Variants in PLEKHA1 observed in about 807,000 individuals in gnomAD.
PLEKHA1 encodes pleckstrin homology domain containing A1.
In PLEKHA1, 34 loss-of-function variants were observed where a neutral mutation model predicts 52.0. The ratio of observed to expected loss-of-function variants is 0.65; its 90% CI spans 0.50 to 0.87. The LOEUF (loss-of-function observed/expected upper bound fraction) is 0.87. Ranked by LOEUF, PLEKHA1 falls within the 40% of genes least tolerant of loss-of-function variation. PLEKHA1 has a pLI of 0.00. For missense variants in PLEKHA1, 497 were observed against 504.2 expected (o/e 0.99, Z 0.14); for synonymous variants, 163 against 170.7 (o/e 0.95, Z 0.35).
Position 122,429,894 on chromosome 10 carries a change from C to T in PLEKHA1, c.1171C>T (p.Leu391=), listed in dbSNP as rs554307459. 1 of 1,614,084 alleles carries T rather than the reference C, an allele frequency of 6.2e-7. No individual in the cohort carries two copies. Among genetic ancestry groups the T allele is most frequent in the East Asian group, 2.2e-5 (1 of 44,882 alleles). ...KNGPQEKDCD[L]VDLDDASLPV... is the part of the protein sequence containing the mutation. ...TGGCCCTCAGGAAAAAGATTGTGACCTAGTAGACTTGGACGATGCGAGCCT... is the reference window on the plus strand; with the variant it reads ...TGGCCCTCAGGAAAAAGATTGTGACTTAGTAGACTTGGACGATGCGAGCCT... Residue 391 remains leucine, a synonymous_variant, in exon 12 of 12, where the codon CTA becomes TTA. Coordinates refer to ENST00000368990, the MANE Select transcript of PLEKHA1 (RefSeq NM_001001974.4).
intron 1 of PLEKHA1, chr10:122,387,776 C>T (rs541807350): frequency 6.6e-6 from 1 of 152,354 alleles, no homozygotes; most frequent in African/African-American, 2.4e-5. Flanking sequence ...GGCTGGTCAC[C>T]TCTCTCCGCA....
chr10:122,402,773 G>A (rs1477301369), intron 4 of PLEKHA1, among the ~76,000 whole-genome samples: 2 of 152,186 alleles, frequency 1.3e-5, no homozygotes, highest in Non-Finnish European at 2.9e-5. Context: ...TAGAATCAGT[G>A]AGGCTGTATA....
At chr10:122,438,259 AAAAC>A in the PLEKHA1 span, 9 of 152,440 alleles carry the variant, frequency 5.9e-5, no homozygotes, top group East Asian at 1.2e-3. Context: ...ACTGTCTCAA[AAAAC>A]AAACAGAAAA....
At chr10:122,417,653 A>G (rs1565286546) in intron 7 of PLEKHA1, among the ~76,000 whole-genome samples, 1 of 151,828 alleles carries the variant, frequency 6.6e-6, no homozygotes, top group Non-Finnish European at 1.5e-5. Context: ...CTCAAAAAAA[A>G]AAAAAAAAAA....
chr10:122,421,445 T>C (rs2097258567), intron 8 of PLEKHA1: 1 of 152,190 alleles, frequency 6.6e-6, no homozygotes, highest in Non-Finnish European at 1.5e-5. Flanking sequence ...TGAATTCTTT[T>C]GCTCTAATAA....
Position 122,426,927 on chromosome 10 carries a change from T to A in PLEKHA1, c.811-15T>A. The A allele has an allele frequency of 1.2e-6, 2 of 1,604,398 alleles. No homozygotes were observed. The highest frequency in any genetic ancestry group is 1.7e-6 in the Non-Finnish European group (2 of 1,172,296). On this transcript the variant is annotated splice_polypyrimidine_tract_variant and intron_variant, in intron 10 of 11. Transcript: ENST00000368990. Reference sequence around the variant, plus strand: ...TTGAGAAAAAATTGTTTGAATGAGTTCTTTTTTCCTTTAGGCTGATAGCCC... The same window carrying A: ...TTGAGAAAAAATTGTTTGAATGAGTACTTTTTTCCTTTAGGCTGATAGCCC...
chr10:122,374,748 G>C lies in PLEKHA1; in HGVS notation c.-79G>C, dbSNP rs1322032254. 1 of 151,894 alleles carries C rather than the reference G, an allele frequency of 6.6e-6. No individual in the cohort carries two copies. Among genetic ancestry groups the C allele is most frequent in the Non-Finnish European group, 1.5e-5 (1 of 67,980 alleles). The allele number at this position is 151,894 out of a possible 1,614,324, so 9.4% of individuals were successfully genotyped here. On this transcript the variant is annotated 5_prime_UTR_variant, in exon 1 of 12. Coordinates refer to ENST00000368990, the MANE Select transcript of PLEKHA1 (RefSeq NM_001001974.4). ...GCCGTCGCGGACGCCGCTCCGGGCAGCCGAGCCTCTGTGGGAGCCGGGGCC... is the reference window on the plus strand; with the variant it reads ...GCCGTCGCGGACGCCGCTCCGGGCACCCGAGCCTCTGTGGGAGCCGGGGCC...
chr10:122,418,915 C>T lies in PLEKHA1; in HGVS notation c.681+947C>T, dbSNP rs188517623. On this transcript the variant is annotated intron_variant, in intron 8 of 11. Coordinates refer to ENST00000368990, the MANE Select transcript of PLEKHA1 (RefSeq NM_001001974.4). ...ACTTTCTGCACAAATGGAAATGTGC[C>T]GTATCTGTATTGTCCAAGGGCACTA... 4.7e-3 allele frequency: 718 copies of T among 152,234 alleles called. 6 individuals are homozygous for T. The highest frequency in any genetic ancestry group is 0.016 in the African/African-American group (680 of 41,532). The allele number at this position is 152,234 out of a possible 1,614,324, so 9.4% of individuals were successfully genotyped here.
chr10:122,417,645 C>CAAA (rs373627172), intron 7 of PLEKHA1, among the ~76,000 whole-genome samples: 48 of 94,198 alleles, frequency 5.1e-4, no homozygotes, highest in African/African-American at 1.2e-3. Context: ...GACTCTGTCT[C>CAAA]AAAAAAAAAA....
At chr10:122,424,044 C>A in intron 8 of PLEKHA1, 155 bp from the exon 9 acceptor site, 3 of 984,842 alleles carry the variant, frequency 3.0e-6, no homozygotes, top group Non-Finnish European at 4.4e-6. Flanking sequence ...TATTCAGATG[C>A]TGGATGGTTT....
chr10:122,425,805 T>G (rs1009787372), intron 10 of PLEKHA1: 1 of 151,892 alleles, frequency 6.6e-6, no homozygotes, highest in Non-Finnish European at 1.5e-5. Context: ...TTGGAAAATA[T>G]AGAAAGATTT....
chr10:122,391,446 G>C (rs2421020), intron 1 of PLEKHA1, among the ~76,000 whole-genome samples: 47,463 of 151,972 alleles, frequency 0.31, 8,048 homozygotes, highest in Non-Finnish European at 0.4. Flanking sequence ...TTTTATAAAT[G>C]GTGTGAGGTA....
At chr10:122,440,649 T>G in the PLEKHA1 span, 1 of 152,252 alleles carries the variant, frequency 6.6e-6, no homozygotes, top group Non-Finnish European at 1.5e-5. Flanking sequence ...GAATTCACTT[T>G]AAGCTTTGCT....
intron 1 of PLEKHA1, among the ~76,000 whole-genome samples, chr10:122,378,275 A>T (rs916447942): frequency 3.9e-5 from 6 of 152,202 alleles, no homozygotes; most frequent in Non-Finnish European, 8.8e-5. Context: ...TCATCAGGTT[A>T]TTCAGCAGTC....
chr10:122,388,150 C>T (rs536932651), intron 1 of PLEKHA1, among the ~76,000 whole-genome samples: 55 of 152,314 alleles, frequency 3.6e-4, no homozygotes, highest in Admixed American at 2.2e-3. Flanking sequence ...ACCTGTTAAG[C>T]AGCTCTTCTG....
At chr10:122,410,104 G>C (rs1211946970) in intron 5 of PLEKHA1, among the ~76,000 whole-genome samples, 1 of 152,014 alleles carries the variant, frequency 6.6e-6, no homozygotes, top group South Asian at 2.1e-4. Flanking sequence ...TTTCATTCTT[G>C]GTGAATTGAA....
chr10:122,432,113 ATTAT>A lies in PLEKHA1; in HGVS notation c.*2179_*2182del, dbSNP rs1565374471. 1 of 152,208 alleles carries A rather than the reference ATTAT, an allele frequency of 6.6e-6. No individual in the cohort carries two copies. The highest frequency in any genetic ancestry group is 1.5e-5 in the Non-Finnish European group (1 of 68,038). The allele number at this position is 152,208 out of a possible 1,614,324, so 9.4% of individuals were successfully genotyped here. ...TCAATTCTTTTATAAGTCTATGGAA[ATTAT>A]TTAATTATTTTAAAACGTACACACT... On this transcript the variant is annotated 3_prime_UTR_variant, in exon 12 of 12. Transcript: ENST00000368990.
At chr10:122,420,063 A>G (rs2097237318) in intron 8 of PLEKHA1, 1 of 152,248 alleles carries the variant, frequency 6.6e-6, no homozygotes, top group Non-Finnish European at 1.5e-5. Flanking sequence ...CATGTGCAGA[A>G]AAGGGTGCTG....
At chr10:122,442,477 C>G in the PLEKHA1 span, 1 of 152,068 alleles carries the variant, frequency 6.6e-6, no homozygotes, top group Non-Finnish European at 1.5e-5. Context: ...ATTATACTTC[C>G]AAGTCTTTTA....
Sources: gnomAD v4.1 joint callset for allele counts (sites outside exome capture counted in the v4.1 genomes callset) on GRCh38, gnomAD v4.1.1 for gene constraint, MANE v1.5 for transcripts, NCBI Gene and HGNC (gene_info 2026-07-23, HGNC 2026-07-21) for gene names.